RORA: variants seen among roughly 807,000 people sequenced by gnomAD.
RORA encodes the protein nuclear receptor ROR-alpha.
Under a neutral mutation model 69.5 loss-of-function variants are expected in RORA, and 7 were observed. The ratio of observed to expected loss-of-function variants is 0.10; its 90% confidence interval spans 0.06 to 0.19. RORA has a LOEUF of 0.19. Ranked by LOEUF, RORA falls within the 10% of genes least tolerant of loss-of-function variation. The pLI is 1.00. For synonymous variants in RORA, 261 were observed against 240.8 expected (o/e 1.08, Z -0.78); for missense variants, 457 against 663.0 (o/e 0.69, Z 3.41).
intron 1 of RORA, among the ~76,000 whole-genome samples, chr15:60,921,779 C>G (rs1201331771): frequency 7.9e-5 from 12 of 152,176 alleles, no homozygotes; most frequent in Admixed American, 7.9e-4. Flanking sequence ...ATCTGCGAAA[C>G]CAGCATAATA....
At chr15:61,209,599 G>C (rs1475139711) in intron 1 of RORA, among the ~76,000 whole-genome samples, 6 of 152,174 alleles carry the variant, frequency 3.9e-5, no homozygotes, top group African/African-American at 1.4e-4. Flanking sequence ...TAGAAGGTGG[G>C]GCCTCTAGAA....
intron 1 of RORA, among the ~76,000 whole-genome samples, chr15:61,208,256 T>C (rs1265461604): frequency 1.3e-5 from 2 of 152,152 alleles, no homozygotes; most frequent in African/African-American, 4.8e-5. Flanking sequence ...TTTTATGACA[T>C]AGACAAACCC....
rs1053904230 is a variant in RORA at position 61,131,393 on chromosome 15, G to A, written c.166+97660C>T. Among the ~76,000 whole-genome samples, 3 of 152,226 alleles carry A rather than the reference G, an allele frequency of 2.0e-5. No homozygotes were observed. The South Asian group carries it at 6.2e-4, about 32-fold the overall frequency. Reference sequence around the variant, plus strand: ...CAGAGACTTCTAGCAGATTTCAGCAGCATTTGCTGGAGCAAGGTGACTCCA... The same window carrying A: ...CAGAGACTTCTAGCAGATTTCAGCAACATTTGCTGGAGCAAGGTGACTCCA... On this transcript the variant is annotated intron_variant, in intron 1 of 10. Coordinates refer to ENST00000335670, the MANE Select transcript of RORA (RefSeq NM_134261.3). This position sits in a 1 kb window ranked among gnomAD's most constrained non-coding sequence, Gnocchi z 4.2.
intron 4 of RORA, among the ~76,000 whole-genome samples, chr15:60,513,335 A>C (rs1043793214): frequency 2.6e-5 from 4 of 152,242 alleles, no homozygotes; most frequent in Non-Finnish European, 4.4e-5. Flanking sequence ...AATTTTCAGA[A>C]GGCATACTGA....
chr15:60,737,452 G>C (rs1330650173), intron 1 of RORA, among the ~76,000 whole-genome samples: 1 of 152,164 alleles, frequency 6.6e-6, no homozygotes, highest in Non-Finnish European at 1.5e-5. Flanking sequence ...CTCTGGACCA[G>C]CGGCATGGGC....
chr15:61,044,038 C>T (rs1448255826), intron 1 of RORA, among the ~76,000 whole-genome samples: 1 of 152,270 alleles, frequency 6.6e-6, no homozygotes, highest in East Asian at 1.9e-4. Context: ...CCTCCCACCC[C>T]CTCCCTAACT....
chr15:60,528,312 A>C (rs1168087605), intron 3 of RORA: 2 of 152,206 alleles, frequency 1.3e-5, no homozygotes, highest in Non-Finnish European at 2.9e-5. Flanking sequence ...TCTTCCTCTC[A>C]GCTCAGCCTC....
At chr15:60,521,495 C>T (rs1382803440) in intron 3 of RORA, among the ~76,000 whole-genome samples, 4 of 152,138 alleles carry the variant, frequency 2.6e-5, no homozygotes, top group Non-Finnish European at 4.4e-5. Flanking sequence ...CTGCCTCGGC[C>T]TCCCAAAGTG....
chr15:60,940,770 C>CA (rs1892670642), intron 1 of RORA, among the ~76,000 whole-genome samples: 2 of 152,018 alleles, frequency 1.3e-5, no homozygotes, highest in South Asian at 4.1e-4. Flanking sequence ...TACTAAAATA[C>CA]AAAAAAATTA....
At chr15:61,093,033 CT>C (rs1183423721) in intron 1 of RORA, among the ~76,000 whole-genome samples, 5 of 152,160 alleles carry the variant, frequency 3.3e-5, no homozygotes, top group African/African-American at 1.2e-4. Context: ...TACTCTGCTG[CT>C]TCTTCCTCTA....
At chr15:60,856,737 G>A (rs907452338) in intron 1 of RORA, among the ~76,000 whole-genome samples, 8 of 152,186 alleles carry the variant, frequency 5.3e-5, no homozygotes, top group Non-Finnish European at 1.2e-4. Flanking sequence ...CTCTTTTCTG[G>A]ACAGGGAACG....
intron 1 of RORA, among the ~76,000 whole-genome samples, chr15:60,911,371 C>T (rs777566072): frequency 2.0e-5 from 3 of 152,128 alleles, no homozygotes; most frequent in Non-Finnish European, 4.4e-5. Flanking sequence ...ATTTCCACGG[C>T]CATGTTTGAG....
At chr15:61,094,732 T>C (rs1041379717) in intron 1 of RORA, among the ~76,000 whole-genome samples, 1 of 152,230 alleles carries the variant, frequency 6.6e-6, no homozygotes, top group Non-Finnish European at 1.5e-5. Context: ...AGCCAGATGC[T>C]GGAGATACAA....
chr15:60,763,208 T>C (rs2071924738), intron 1 of RORA, among the ~76,000 whole-genome samples: 1 of 151,362 alleles, frequency 6.6e-6, no homozygotes, highest in Non-Finnish European at 1.5e-5. Context: ...CCATTCTGGG[T>C]AGCCGAGAGG....
chr15:60,677,596 A>G (rs1423165674), intron 2 of RORA, among the ~76,000 whole-genome samples: 1 of 119,312 alleles, frequency 8.4e-6, no homozygotes, highest in Non-Finnish European at 1.8e-5. Flanking sequence ...TTTTTTTTTC[A>G]TTTTTGTTTT....
intron 1 of RORA, among the ~76,000 whole-genome samples, chr15:61,203,623 A>G (rs1343158077): frequency 6.6e-6 from 1 of 152,224 alleles, no homozygotes; most frequent in Non-Finnish European, 1.5e-5. Flanking sequence ...CAGAAGCTTC[A>G]GAAAAAAAGA....
rs1484144360 is a variant in RORA, at chr15:60,489,291, A to T, written c.*8164T>A. 6.6e-6 allele frequency: 1 copy of T among 152,268 alleles called. No individual in the cohort carries two copies. 9.4% of individuals were successfully genotyped at this position (152,268 alleles called of 1,614,324 possible). A position where few individuals can be genotyped will look rare whatever the true frequency, so the allele number is the denominator to read the frequency against. On this transcript the variant is annotated 3_prime_UTR_variant, in exon 11 of 11. Transcript: ENST00000335670. ...AGCAACTCTTCCACAAAAATGGAAA[A>T]TGTCTAGAATTGTGGATAAATATTG...
chr15:61,008,697 T>G (rs1478216924), intron 1 of RORA, among the ~76,000 whole-genome samples: 2 of 152,182 alleles, frequency 1.3e-5, no homozygotes. Flanking sequence ...GACTTACCCC[T>G]TTTTAATGCC....
chr15:60,936,442 G>T (rs1360443730), intron 1 of RORA, among the ~76,000 whole-genome samples: 1 of 152,188 alleles, frequency 6.6e-6, no homozygotes, highest in African/African-American at 2.4e-5. Context: ...GAAACAGAGG[G>T]CACCCTTGCA....
Sources: allele counts gnomAD v4.1 joint callset (sites outside exome capture counted in the v4.1 genomes callset), GRCh38; gene constraint gnomAD v4.1.1; non-coding constraint Gnocchi (gnomAD v3.1); transcripts MANE v1.5; gene names NCBI Gene and HGNC (gene_info 2026-07-23, HGNC 2026-07-21).